The following GOLM2 variants were observed in gnomAD, a reference collection of about 807,000 sequenced individuals.
The protein encoded by GOLM2 is protein GOLM2.
Under a neutral mutation model 55.9 loss-of-function variants are expected in GOLM2, and 26 were observed. The observed-to-expected ratio is 0.47, with a 90% confidence interval of 0.34 to 0.65. The LOEUF is 0.65. GOLM2 is among the 30% of genes least tolerant of loss of function. GOLM2 has a pLI of 0.01. For missense variants in GOLM2, 486 were observed against 531.8 expected, an observed-to-expected ratio of 0.91 and a Z score of 0.85; for synonymous variants, 165 against 194.6, an observed-to-expected ratio of 0.85 and a Z score of 1.27.
chr15:44,413,225 T>A, intron 9 of GOLM2, 111 bp from the exon 10 acceptor site: 2 of 713,530 alleles, frequency 2.8e-6, no homozygotes, highest in East Asian at 5.5e-5. Context: ...GTACTAGGTG[T>A]AAAATAACAA....
At chr15:44,391,374 G>C (rs910462268) in intron 8 of GOLM2, among the ~76,000 whole-genome samples, 1 of 151,824 alleles carries the variant, frequency 6.6e-6, no homozygotes, top group African/African-American at 2.4e-5. Context: ...AAAATTAGCC[G>C]GTCGTGGTGG....
intron 6 of GOLM2, among the ~76,000 whole-genome samples, chr15:44,352,347 T>C (rs1346355977): frequency 7.2e-5 from 11 of 152,172 alleles, no homozygotes; most frequent in Non-Finnish European, 1.2e-4. Context: ...TAGATGGTGC[T>C]GGGGAAGCTG....
chr15:44,308,500 T>C (rs1421145152), intron 1 of GOLM2: 1 of 152,222 alleles, frequency 6.6e-6, no homozygotes, highest in Non-Finnish European at 1.5e-5. Flanking sequence ...CTTTCAGTTA[T>C]TGTGAGTAAT....
intron 3 of GOLM2, among the ~76,000 whole-genome samples, chr15:44,329,541 C>T (rs1202300541): frequency 2.6e-5 from 4 of 151,994 alleles, no homozygotes; most frequent in African/African-American, 9.7e-5. Flanking sequence ...ATTAATGTAC[C>T]AAAACTTCTT....
intron 1 of GOLM2, among the ~76,000 whole-genome samples, chr15:44,319,574 T>G (rs1229775347): frequency 6.6e-6 from 1 of 151,946 alleles, no homozygotes; most frequent in Non-Finnish European, 1.5e-5. Context: ...TTTTTGTTTG[T>G]TTGGTTGGTT....
At chr15:44,387,400 T>C (rs576453568) in intron 8 of GOLM2, 6 of 152,340 alleles carry the variant, frequency 3.9e-5, no homozygotes, top group African/African-American at 9.6e-5. Context: ...TTTTATTGTT[T>C]TGATGTCATT....
At chr15:44,384,596 A>T (rs1276802263) in intron 8 of GOLM2, among the ~76,000 whole-genome samples, 1 of 152,158 alleles carries the variant, frequency 6.6e-6, no homozygotes, top group African/African-American at 2.4e-5. Context: ...AATACAAAAA[A>T]ATTAGCCGGG....
chr15:44,306,271 A>T (rs1031433243), intron 1 of GOLM2, among the ~76,000 whole-genome samples: 1 of 151,428 alleles, frequency 6.6e-6, no homozygotes, highest in Admixed American at 6.6e-5. Flanking sequence ...AGCACTTGCC[A>T]CTTCCCCTTG....
chr15:44,294,297 G>A (rs961830771), intron 1 of GOLM2, among the ~76,000 whole-genome samples: 1 of 152,080 alleles, frequency 6.6e-6, no homozygotes, highest in Non-Finnish European at 1.5e-5. Context: ...AAGGTCTGCA[G>A]CTGGGCACGG....
intron 1 of GOLM2, among the ~76,000 whole-genome samples, chr15:44,308,933 G>A (rs527689675): frequency 1.3e-5 from 2 of 152,152 alleles, no homozygotes; most frequent in South Asian, 2.1e-4. Flanking sequence ...CTTATACAAT[G>A]TAATAACAAT....
chr15:44,304,962 A>G (rs1383969608), intron 1 of GOLM2, among the ~76,000 whole-genome samples: 1 of 152,032 alleles, frequency 6.6e-6, no homozygotes, highest in African/African-American at 2.4e-5. Flanking sequence ...CTTATTCCAA[A>G]CTCATGTTCC....
chr15:44,317,555 A>G (rs535556193), intron 1 of GOLM2, among the ~76,000 whole-genome samples: 1 of 152,304 alleles, frequency 6.6e-6, no homozygotes, highest in African/African-American at 2.4e-5. Context: ...TGAGTGAGCA[A>G]ACTGATCAAA....
intron 8 of GOLM2, 158 bp from the exon 9 acceptor site, chr15:44,402,729 A>G (rs778168419): frequency 9.8e-5 from 55 of 562,964 alleles, no homozygotes; most frequent in Non-Finnish European, 1.5e-4. Context: ...CCTCTTATAT[A>G]CTTTTGTCTT....
chr15:44,396,447 C>A (rs978085476), intron 8 of GOLM2, among the ~76,000 whole-genome samples: 4 of 152,200 alleles, frequency 2.6e-5, no homozygotes, highest in African/African-American at 9.6e-5. Context: ...CTTTCTCATA[C>A]CTTCCCAATA....
chr15:44,412,346 T>G (rs770266872), intron 9 of GOLM2, among the ~76,000 whole-genome samples: 4 of 152,102 alleles, frequency 2.6e-5, no homozygotes, highest in Non-Finnish European at 5.9e-5. Flanking sequence ...GCCAAATAAA[T>G]CAAACTCCAT....
chr15:44,349,917 A>T (rs1481136346), intron 6 of GOLM2, among the ~76,000 whole-genome samples: 1 of 152,222 alleles, frequency 6.6e-6, no homozygotes, highest in Non-Finnish European at 1.5e-5. Flanking sequence ...AGAGATTAAG[A>T]AGGAAATTGA....
intron 1 of GOLM2, among the ~76,000 whole-genome samples, chr15:44,306,775 A>T (rs1418187670): frequency 6.6e-6 from 1 of 152,164 alleles, no homozygotes; most frequent in Non-Finnish European, 1.5e-5. Flanking sequence ...AGGAAGAGAG[A>T]TGGGGGAATG....
intron 6 of GOLM2, among the ~76,000 whole-genome samples, chr15:44,354,337 A>G (rs1327805927): frequency 6.6e-6 from 1 of 151,586 alleles, no homozygotes; most frequent in African/African-American, 2.4e-5. Context: ...ATTAGGAGAT[A>G]TACCTAATGC....
chr15:44,361,339 T>G (rs566728306), intron 6 of GOLM2, among the ~76,000 whole-genome samples: 6 of 152,050 alleles, frequency 3.9e-5, no homozygotes, highest in African/African-American at 1.4e-4. Flanking sequence ...ATCAAATAGA[T>G]GCAATAAAAA....
Sources: gnomAD v4.1 joint callset for allele counts (sites outside exome capture counted in the v4.1 genomes callset) on GRCh38, gnomAD v4.1.1 for gene constraint, MANE v1.5 for transcripts, NCBI Gene and HGNC (gene_info 2026-07-23, HGNC 2026-07-21) for gene names.